Variants in CD36 observed in about 807,000 individuals in gnomAD.
The protein encoded by CD36 is CD36 molecule (CD36 blood group), also known as platelet glycoprotein 4.
In CD36, 119 loss-of-function variants were observed where a neutral mutation model predicts 55.2. The observed-to-expected ratio is 2.15, with a 90% CI of 1.86 to 2.51. The LOEUF is 2.51. CD36 is among the 30% of genes most tolerant of loss of function. CD36 has a pLI of 0.00. For missense variants in CD36, 819 were observed against 555.5 expected (o/e 1.47, Z -4.77); for synonymous variants, 186 against 193.6 (o/e 0.96, Z 0.33).
chr7:80,653,269 A>G (rs1057285807), intron 3 of CD36, among the ~76,000 whole-genome samples: 7 of 152,236 alleles, frequency 4.6e-5, no homozygotes, highest in African/African-American at 1.7e-4. Flanking sequence ...AAAGTGAAAC[A>G]AAATATTTTC....
intron 7 of CD36, chr7:80,666,163 C>A (rs1797072429): frequency 5.1e-6 from 2 of 388,508 alleles, no homozygotes; most frequent in Admixed American, 3.9e-5. Context: ...ATCTAAGTTT[C>A]TGATAAATGT....
rs1280047395 is a variant in CD36 at position 80,672,836 on chromosome 7, AAAATT to A, written c.1193_1197del (p.Lys398ThrfsTer18). On this transcript the variant is annotated frameshift_variant and splice_region_variant, in exon 12 of 15. Coordinates refer to ENST00000447544, the MANE Select transcript of CD36 (RefSeq NM_001001548.3). LOFTEE classifies it high-confidence loss of function. The stretch of plus-strand genomic sequence containing the variant: ...CAACCTATTGGTCAAGCCATCAGAA[AAAATT>A]CAGTGAGTCTCTTGAAAATGGTTAT... 6.2e-7 allele frequency: 1 copy of A among 1,608,264 alleles called. No homozygotes were observed. The highest frequency in any genetic ancestry group is 1.1e-5 in the South Asian group (1 of 90,832).
chr7:80,666,187 C>T, intron 7 of CD36: 12 of 425,586 alleles, frequency 2.8e-5, no homozygotes, highest in African/African-American at 8.3e-5. Flanking sequence ...TAATTTTTTT[C>T]TTATTCCAAG....
chr7:80,673,784 A>G (rs1362152936), intron 13 of CD36, 199 bp from the exon 14 acceptor site: 1 of 606,044 alleles, frequency 1.7e-6, no homozygotes, highest in African/African-American at 1.9e-5. Context: ...AATGAATCCT[A>G]GTACATTGAA....
intron 1 of CD36, among the ~76,000 whole-genome samples, chr7:80,610,430 G>C (rs988671559): frequency 1.3e-5 from 2 of 152,004 alleles, no homozygotes; most frequent in Non-Finnish European, 2.9e-5. Context: ...GTCATCTTTT[G>C]TAAATACAAG....
At chr7:80,673,254 C>A (rs1584471440) in intron 12 of CD36, 101 bp from the exon 13 acceptor site, 3 of 617,578 alleles carry the variant, frequency 4.9e-6, no homozygotes, top group South Asian at 2.3e-5. Context: ...GGAACAAAAT[C>A]AAATTAGCAA....
At chr7:80,606,678 C>A (rs1792566690) in intron 1 of CD36, among the ~76,000 whole-genome samples, 1 of 152,100 alleles carries the variant, frequency 6.6e-6, no homozygotes, top group Admixed American at 6.6e-5. Flanking sequence ...CACTCTGGGT[C>A]CGAGGGTCAT....
At chr7:80,657,670 A>C (rs566283879) in intron 4 of CD36, among the ~76,000 whole-genome samples, 15 of 152,300 alleles carry the variant, frequency 9.8e-5, no homozygotes, top group Admixed American at 7.8e-4. Context: ...TTCACTAAAA[A>C]GGGAAAAAAG....
intron 1 of CD36, among the ~76,000 whole-genome samples, chr7:80,645,338 TAATC>T (rs1795087583): frequency 6.6e-6 from 1 of 150,806 alleles, no homozygotes; most frequent in Middle Eastern, 3.2e-3. Flanking sequence ...CTTTATATAA[TAATC>T]ACATACTATG....
intron 1 of CD36, among the ~76,000 whole-genome samples, chr7:80,604,966 T>C (rs1344784486): frequency 6.6e-6 from 1 of 152,144 alleles, no homozygotes; most frequent in Non-Finnish European, 1.5e-5. Context: ...TGTAACTTTA[T>C]GTAAAATGTA....
intron 4 of CD36, among the ~76,000 whole-genome samples, chr7:80,659,137 G>A (rs1194026042): frequency 6.6e-6 from 1 of 152,024 alleles, no homozygotes; most frequent in African/African-American, 2.4e-5. Flanking sequence ...CTTAAATAAT[G>A]GAAAAACAAC....
In CD36 at chr7:80,678,049, GAGA is replaced by G. The variant is rs1205863267; in HGVS notation, c.*1667_*1669del. ...AGTAGGAAAAATAATTACTTAAGGG[GAGA>G]TTTTTTTTACATGAAATCTGGGCTT... is the stretch of plus-strand genomic sequence containing the variant. On this transcript the variant is annotated 3_prime_UTR_variant, in exon 15 of 15. Coordinates refer to ENST00000447544, the MANE Select transcript of CD36 (RefSeq NM_001001548.3). The G allele has an allele frequency of 6.6e-6, 1 of 151,566 alleles. No individual in the cohort carries two copies. Among genetic ancestry groups the G allele is most frequent in the East Asian group, 2.0e-4 (1 of 5,126 alleles). 9.4% of individuals were successfully genotyped at this position (151,566 alleles called of 1,614,324 possible).
chr7:80,672,153 C>T (rs1190014191), intron 11 of CD36, 113 bp downstream of exon 11: 2 of 903,480 alleles, frequency 2.2e-6, no homozygotes, highest in Non-Finnish European at 3.4e-6. Context: ...TTTATTGAAT[C>T]ACATTCTTGA....
At chr7:80,608,200 A>T (rs944974376) in intron 1 of CD36, among the ~76,000 whole-genome samples, 5 of 152,198 alleles carry the variant, frequency 3.3e-5, no homozygotes, top group African/African-American at 1.2e-4. Context: ...TATCCCCTGC[A>T]AATTATTTTA....
At chr7:80,639,783 A>G (rs1313407778) in intron 1 of CD36, 1 of 152,006 alleles carries the variant, frequency 6.6e-6, no homozygotes. Context: ...TAGAAAGTCC[A>G]GTGGTCCTTT....
At position 80,621,847 on chromosome 7, in the gene CD36, C is replaced by T. The variant is rs569081658; in HGVS notation, c.-184+19468C>T. On this transcript the variant is annotated intron_variant, in intron 1 of 13. Transcript: ENST00000309881. ...ATAGTGGCAGGTCCCCACTGAAATC[C>T]CACCTCTAGCCGAAGACAGTTTAAA... is the stretch of plus-strand genomic sequence containing the variant. Among the ~76,000 whole-genome samples the T allele has an allele frequency of 1.1e-4, 16 of 152,284 alleles. No individual in the cohort carries two copies. In the South Asian group the frequency reaches 3.1e-3, roughly 30 times the overall value.
At chr7:80,674,301 ATAT>A (rs1656856398) in intron 14 of CD36, 154 bp downstream of exon 14, 1 of 609,534 alleles carries the variant, frequency 1.6e-6, no homozygotes, top group Non-Finnish European at 2.9e-6. Flanking sequence ...AAACCTATAA[ATAT>A]TATCACGCAG....
intron 3 of CD36, among the ~76,000 whole-genome samples, chr7:80,652,212 T>G (rs1795680036): frequency 6.6e-6 from 1 of 152,196 alleles, no homozygotes. Flanking sequence ...AAGACAATGT[T>G]TCAAGAAATA....
At chr7:80,659,954 T>C (rs992872845) in intron 4 of CD36, among the ~76,000 whole-genome samples, 1 of 152,134 alleles carries the variant, frequency 6.6e-6, no homozygotes, top group Non-Finnish European at 1.5e-5. Context: ...AGTAAATACA[T>C]TTACTGAGAA....
Sources: allele counts gnomAD v4.1 joint callset (sites outside exome capture counted in the v4.1 genomes callset), GRCh38; gene constraint gnomAD v4.1.1; transcripts MANE v1.5; gene names NCBI Gene and HGNC (gene_info 2026-07-23, HGNC 2026-07-21).